SCFD2: variants seen among roughly 807,000 people sequenced by gnomAD.
The protein encoded by SCFD2 is sec1 family domain containing 2, also known as sec1 family domain-containing protein 2.
Under a neutral mutation model 58.9 loss-of-function variants are expected in SCFD2, and 54 were observed. The ratio of observed to expected loss-of-function variants is 0.92; its 90% CI spans 0.74 to 1.15. SCFD2 has a LOEUF of 1.15. SCFD2 is among the 50% of genes most tolerant of loss of function. SCFD2 has a pLI of 0.00. For missense variants in SCFD2, 805 were observed against 836.6 expected (o/e 0.96, Z 0.47); for synonymous variants, 321 against 335.9 (o/e 0.96, Z 0.49).
intron 2 of SCFD2, among the ~76,000 whole-genome samples, chr4:53,329,878 A>C (rs1479351884): frequency 6.6e-6 from 1 of 152,160 alleles, no homozygotes; most frequent in African/African-American, 2.4e-5. Context: ...AACTAGAATA[A>C]CCAATACAGA....
At chr4:53,249,328 G>T (rs1268181460) in intron 4 of SCFD2, among the ~76,000 whole-genome samples, 1 of 152,204 alleles carries the variant, frequency 6.6e-6, no homozygotes, top group African/African-American at 2.4e-5. Flanking sequence ...ATCTACATCT[G>T]ATTGGTGTAC....
chr4:53,157,139 T>C (rs553480654), intron 4 of SCFD2, among the ~76,000 whole-genome samples: 1 of 152,328 alleles, frequency 6.6e-6, no homozygotes, highest in South Asian at 2.1e-4. Flanking sequence ...ATTGGTGACA[T>C]TAAATGTGAT....
chr4:53,171,752 T>A (rs1017571947), intron 4 of SCFD2, among the ~76,000 whole-genome samples: 11 of 152,102 alleles, frequency 7.2e-5, no homozygotes, highest in African/African-American at 2.7e-4. Flanking sequence ...TGTATCAGTT[T>A]CTTCTAGGTT....
At chr4:53,049,087 C>T (rs1314632081) in intron 5 of SCFD2, among the ~76,000 whole-genome samples, 3 of 152,166 alleles carry the variant, frequency 2.0e-5, no homozygotes, top group African/African-American at 4.8e-5. Context: ...AACAGAATGG[C>T]GTACCTTCTT....
intron 5 of SCFD2, among the ~76,000 whole-genome samples, chr4:52,934,447 G>A (rs1720080932): frequency 6.6e-6 from 1 of 152,116 alleles, no homozygotes; most frequent in Admixed American, 6.5e-5. Flanking sequence ...TAATTATTCT[G>A]GAAAAAATTT....
intron 5 of SCFD2, among the ~76,000 whole-genome samples, chr4:52,967,581 T>C (rs1162428782): frequency 2.0e-5 from 3 of 152,234 alleles, no homozygotes; most frequent in Non-Finnish European, 2.9e-5. Flanking sequence ...TGTCCTGTAA[T>C]GTCTCTCAGT....
At chr4:52,999,353 T>C (rs1721813851) in intron 5 of SCFD2, among the ~76,000 whole-genome samples, 1 of 152,234 alleles carries the variant, frequency 6.6e-6, no homozygotes, top group Non-Finnish European at 1.5e-5. Flanking sequence ...GTATTCCATT[T>C]AATAACTCTC....
intron 3 of SCFD2, among the ~76,000 whole-genome samples, chr4:53,292,355 G>A (rs1255253812): frequency 6.6e-6 from 1 of 151,822 alleles, no homozygotes; most frequent in Non-Finnish European, 1.5e-5. Context: ...AAATTTACAA[G>A]AAAAAAACAA....
At chr4:52,979,068 G>GT (rs1721315371) in intron 5 of SCFD2, among the ~76,000 whole-genome samples, 1 of 150,266 alleles carries the variant, frequency 6.7e-6, no homozygotes, top group African/African-American at 2.4e-5. Flanking sequence ...CTTTTTTTGG[G>GT]GGGGGGAGTA....
intron 4 of SCFD2, among the ~76,000 whole-genome samples, chr4:53,266,783 T>C (rs543402755): frequency 1.9e-4 from 29 of 152,336 alleles, no homozygotes; most frequent in African/African-American, 7.0e-4. Flanking sequence ...GACAGTGATA[T>C]TGGACCTTGG....
chr4:52,931,010 C>T (rs1331021142), intron 5 of SCFD2, among the ~76,000 whole-genome samples: 7 of 152,122 alleles, frequency 4.6e-5, no homozygotes, highest in African/African-American at 1.4e-4. Context: ...GGGGGAAATG[C>T]CTGTATACAG....
rs186492960 is a variant in SCFD2 at position 53,021,606 on chromosome 4, A to G, written c.1562-100736T>C. On this transcript the variant is annotated intron_variant, in intron 5 of 8. Transcript: ENST00000401642. ...CAATGCGGTATGCATTAAGTTCTCCAGGGGCGCAGCGGCAAGTCAAGGGTG... is the reference window on the plus strand; with the variant it reads ...CAATGCGGTATGCATTAAGTTCTCCGGGGGCGCAGCGGCAAGTCAAGGGTG... Among the ~76,000 whole-genome samples, 365 of 152,242 alleles carry G rather than the reference A, an allele frequency of 2.4e-3. 6 individuals are homozygous for G. Among genetic ancestry groups the G allele is most frequent in the Admixed American group, 0.022 (340 of 15,266 alleles).
At chr4:53,183,053 G>T (rs541148061) in intron 4 of SCFD2, among the ~76,000 whole-genome samples, 1 of 152,304 alleles carries the variant, frequency 6.6e-6, no homozygotes, top group South Asian at 2.1e-4. Flanking sequence ...CACTGTTGGT[G>T]AGCCTGTAAA....
At chr4:53,176,783 T>C (rs1230737358) in intron 4 of SCFD2, among the ~76,000 whole-genome samples, 1 of 152,036 alleles carries the variant, frequency 6.6e-6, no homozygotes, top group African/African-American at 2.4e-5. Context: ...ATCCCATCTC[T>C]ACTAAAAATA....
intron 4 of SCFD2, among the ~76,000 whole-genome samples, chr4:53,229,829 C>G (rs1423794896): frequency 6.6e-6 from 1 of 152,184 alleles, no homozygotes; most frequent in Non-Finnish European, 1.5e-5. Context: ...TCAGAGTGAA[C>G]AGGCAACCTA....
intron 5 of SCFD2, among the ~76,000 whole-genome samples, chr4:52,979,022 G>A (rs1182618512): frequency 6.6e-6 from 1 of 151,504 alleles, no homozygotes; most frequent in African/African-American, 2.4e-5. Flanking sequence ...GCCTCCCAAG[G>A]TGTTGGGATT....
chr4:52,883,527 T>A (rs1345622428), intron 8 of SCFD2, among the ~76,000 whole-genome samples: 1 of 152,188 alleles, frequency 6.6e-6, no homozygotes, highest in Non-Finnish European at 1.5e-5. Context: ...CAGGGTCAGA[T>A]TGCAGCAAAG....
chr4:53,044,045 C>G (rs953541092), intron 5 of SCFD2, among the ~76,000 whole-genome samples: 2 of 152,106 alleles, frequency 1.3e-5, no homozygotes, highest in African/African-American at 4.8e-5. Flanking sequence ...TAGACAGCTG[C>G]CAGCTGTCAC....
At chr4:52,890,156 A>T (rs1310196910) in intron 7 of SCFD2, among the ~76,000 whole-genome samples, 1 of 152,202 alleles carries the variant, frequency 6.6e-6, no homozygotes, top group Non-Finnish European at 1.5e-5. Context: ...TAATCCTGGG[A>T]CAGAAATAAA....
Sources: allele counts gnomAD v4.1 joint callset (sites outside exome capture counted in the v4.1 genomes callset), GRCh38; gene constraint gnomAD v4.1.1; transcripts MANE v1.5; gene names NCBI Gene and HGNC (gene_info 2026-07-23, HGNC 2026-07-21).